Variants in TAF1 observed in about 807,000 individuals in gnomAD.
TAF1 encodes transcription initiation factor TFIID subunit 1.
A neutral mutation model predicts 138.5 loss-of-function variants in TAF1; 2 were observed. The observed-to-expected ratio is 0.01, with a 90% CI of 0.01 to 0.05. The LOEUF (loss-of-function observed/expected upper bound fraction) is 0.05. Ranked by LOEUF, TAF1 falls within the 10% of genes least tolerant of loss-of-function variation. The probability of loss-of-function intolerance (pLI) is 1.00; values close to 1 mark genes in which losing one functional copy is unlikely to be tolerated. For synonymous variants in TAF1, 437 were observed against 503.2 expected, an observed-to-expected ratio of 0.87 and a Z score of 1.76; for missense variants, 709 against 1,478.0, an observed-to-expected ratio of 0.48 and a Z score of 8.53.
At chrX:71,392,339 A>G (rs1472758660) in intron 18 of TAF1, among the ~76,000 whole-genome samples, 1 of 111,692 alleles carries the variant, frequency 9.0e-6, no homozygotes, top group African/African-American at 3.3e-5. Context: ...ACCTCTATTT[A>G]ATATCATGTT....
Position 71,406,641 on chromosome X carries a change from G to A in TAF1, c.4002G>A (p.Ala1334=), listed in dbSNP as rs755493949. ...IVLGKQLIES[A]DEVRRKSLVL... is the part of the protein sequence containing the mutation. ...AACTAAAGTGTTTTGATTTTAGTGC[G>A]GATGAGGTTCGCAGAAAATCTCTGG... Residue 1334 remains alanine, a synonymous_variant, in exon 26 of 38, where the codon GCG becomes GCA. Coordinates refer to ENST00000423759, the MANE Select transcript of TAF1 (RefSeq NM_004606.5). 9.9e-6 allele frequency: 12 copies of A among 1,209,533 alleles called. No homozygotes were observed. Among genetic ancestry groups the A allele is most frequent in the East Asian group, 5.9e-5 (2 of 33,777 alleles).
At chrX:71,411,415 G>T (rs2035780676) in intron 28 of TAF1, among the ~76,000 whole-genome samples, 1 of 111,414 alleles carries the variant, frequency 9.0e-6, no homozygotes, top group African/African-American at 3.3e-5. Context: ...GGAGGTGGAG[G>T]TTGAAGTGAA....
intron 13 of TAF1, among the ~76,000 whole-genome samples, chrX:71,498,073 G>A (rs748261158): frequency 1.3e-3 from 149 of 111,335 alleles, no homozygotes; most frequent in Non-Finnish European, 2.4e-3. Context: ...TGACGCTTCC[G>A]AACTGGTAGC....
chrX:71,448,670 A>G (rs1406814152), intron 32 of TAF1, among the ~76,000 whole-genome samples: 1 of 112,118 alleles, frequency 8.9e-6, no homozygotes, highest in Non-Finnish European at 1.9e-5. Context: ...TCTTGTAACT[A>G]TTGAGAACAT....
At chrX:71,508,848 C>G (rs1217389946) in intron 13 of TAF1, among the ~76,000 whole-genome samples, 1 of 107,378 alleles carries the variant, frequency 9.3e-6, no homozygotes, top group East Asian at 2.9e-4. Flanking sequence ...ACTCTGTTGC[C>G]GAGCCTGGAG....
chrX:71,451,843 C>T (rs1179674938), intron 32 of TAF1, among the ~76,000 whole-genome samples: 5 of 111,953 alleles, frequency 4.5e-5, no homozygotes, highest in Non-Finnish European at 7.5e-5. Context: ...TTTCTTAGTA[C>T]AGAACAAAAT....
intron 14 of TAF1, among the ~76,000 whole-genome samples, chrX:71,386,474 A>G (rs2034236960): frequency 9.0e-6 from 1 of 111,291 alleles, no homozygotes; most frequent in Non-Finnish European, 1.9e-5. Flanking sequence ...TTTATGATTT[A>G]TTTGTTTGGA....
intron 28 of TAF1, among the ~76,000 whole-genome samples, chrX:71,418,234 C>T: frequency 9.0e-6 from 1 of 111,565 alleles, no homozygotes; most frequent in Non-Finnish European, 1.9e-5. Context: ...GCTGGGACTA[C>T]AGGTGCATGC....
At chrX:71,387,819 G>A (rs2034322013) in intron 15 of TAF1, among the ~76,000 whole-genome samples, 1 of 111,501 alleles carries the variant, frequency 9.0e-6, no homozygotes. Flanking sequence ...TGTAATCCCA[G>A]CTACTCAGGA....
intron 13 of TAF1, among the ~76,000 whole-genome samples, chrX:71,487,171 C>T (rs760838032): frequency 2.8e-5 from 3 of 106,805 alleles, no homozygotes; most frequent in Non-Finnish European, 5.8e-5. Context: ...CTTGGGATTG[C>T]CCCCCAGCTC....
intron 3 of TAF1, among the ~76,000 whole-genome samples, chrX:71,374,521 A>T (rs934274123): frequency 3.6e-5 from 4 of 111,417 alleles, no homozygotes. Flanking sequence ...ATTACTGCTC[A>T]TCAAAGCCTT....
chrX:71,420,874 G>GC lies in TAF1; in HGVS notation c.4385-429dup, dbSNP rs1358664324. On this transcript the variant is annotated intron_variant, in intron 28 of 37. Transcript: ENST00000423759. ...CCAGGCCGTTCCCGTAGTCCCCTAC[G>GC]CCCCCCGGGGCCCCCTCCCCGGCCT... 9.8e-5 allele frequency among the ~76,000 whole-genome samples: 11 copies of GC among 111,906 alleles called. No homozygotes were observed. The East Asian group carries it at 1.4e-3, about 15-fold the overall frequency.
chrX:71,504,741 C>CAAAAAAAAAAAAAAAAAAAAAA lies in TAF1; in HGVS notation c.1367-23790_1367-23769dup, dbSNP rs41370846. Among the ~76,000 whole-genome samples the CAAAAAAAAAAAAAAAAAAAAAA allele has an allele frequency of 1.9e-3, 11 of 5,704 alleles. 1 individual carries two copies. Among genetic ancestry groups the CAAAAAAAAAAAAAAAAAAAAAA allele is most frequent in the East Asian group, 4.9e-3 (1 of 206 alleles). 5.0% of individuals were successfully genotyped at this position (5,704 alleles called of 115,157 possible). A position where few individuals can be genotyped will look rare whatever the true frequency, so the allele number is the denominator to read the frequency against. On this transcript the variant is annotated intron_variant and NMD_transcript_variant, in intron 13 of 14. Transcript: ENST00000373775. Reference sequence around the variant, plus strand: ...TGGGTGACAGAATGAGACCCTGTCTCAAAAAAAAAAAAAAAAAAAAAAAAA... The same window carrying CAAAAAAAAAAAAAAAAAAAAAA: ...TGGGTGACAGAATGAGACCCTGTCTCAAAAAAAAAAAAAAAAAAAAAAAAAAAAAAAAAAAAAAAAAAAAAAA...
downstream of TAF1, among the ~76,000 whole-genome samples, chrX:71,467,185 G>A (rs2038782201): frequency 9.3e-6 from 1 of 107,361 alleles, no homozygotes; most frequent in African/African-American, 3.4e-5. Flanking sequence ...GAGAAGGTGG[G>A]CAGATAAACA....
At chrX:71,528,230 C>T (rs886487213) in intron 13 of TAF1, 2 of 225,110 alleles carry the variant, frequency 8.9e-6, no homozygotes, top group African/African-American at 5.9e-5. Flanking sequence ...GCTCACTTTT[C>T]TTCTGCCTGT....
At chrX:71,399,730 C>T (rs1196342100) in intron 24 of TAF1, among the ~76,000 whole-genome samples, 1 of 109,206 alleles carries the variant, frequency 9.2e-6, no homozygotes, top group Non-Finnish European at 1.9e-5. Context: ...TGCTACCATG[C>T]CCAGCTAATT....
chrX:71,463,721 C>T, intron 37 of TAF1, 103 bp from the exon 38 acceptor site: 10 of 758,630 alleles, frequency 1.3e-5, no homozygotes, highest in Admixed American at 5.2e-5. Context: ...CTTTAGTGTC[C>T]AGGGGAGGTG....
chrX:71,370,301 A>G (rs756319601), intron 3 of TAF1, among the ~76,000 whole-genome samples: 3 of 111,024 alleles, frequency 2.7e-5, no homozygotes, highest in East Asian at 2.9e-4. Flanking sequence ...ATTGGTCCAT[A>G]GTTCATTTTT....
At chrX:71,411,564 A>G (rs1453357447) in intron 28 of TAF1, among the ~76,000 whole-genome samples, 2 of 112,513 alleles carry the variant, frequency 1.8e-5, no homozygotes, top group Non-Finnish European at 3.8e-5. Context: ...ACCATGCTCC[A>G]TATACTGTTC....
Sources: allele counts gnomAD v4.1 joint callset (sites outside exome capture counted in the v4.1 genomes callset), GRCh38; gene constraint gnomAD v4.1.1; transcripts MANE v1.5; gene names NCBI Gene and HGNC (gene_info 2026-07-23, HGNC 2026-07-21).